Variants in BSDC1 observed in about 807,000 individuals in gnomAD.
The protein encoded by BSDC1 is BSD domain-containing protein 1.
In BSDC1, 29 loss-of-function variants were observed where a neutral mutation model predicts 56.0. The observed-to-expected ratio is 0.52, with a 90% confidence interval of 0.39 to 0.71. BSDC1 has a LOEUF of 0.71. Ranked by LOEUF, BSDC1 falls within the 30% of genes least tolerant of loss-of-function variation. The pLI, the probability that BSDC1 is intolerant of heterozygous loss-of-function variation, is 0.00. For synonymous variants in BSDC1, 210 were observed against 215.3 expected (o/e 0.98, Z 0.21); for missense variants, 477 against 548.5 (o/e 0.87, Z 1.30).
chr1:32,370,628 C>T (rs148984438), intron 9 of BSDC1, among the ~76,000 whole-genome samples: 1 of 151,370 alleles, frequency 6.6e-6, no homozygotes, highest in Non-Finnish European at 1.5e-5. Context: ...GTGGTGAAAC[C>T]CCATCTCTAC....
At chr1:32,374,254 T>A (rs376032196) in intron 9 of BSDC1, among the ~76,000 whole-genome samples, 30 of 152,350 alleles carry the variant, frequency 2.0e-4, no homozygotes, top group South Asian at 8.3e-4. Context: ...TACCTCTATT[T>A]TCATTTCCCC....
intron 9 of BSDC1, among the ~76,000 whole-genome samples, chr1:32,371,725 G>A (rs372442219): frequency 5.3e-5 from 8 of 151,670 alleles, no homozygotes; most frequent in South Asian, 2.1e-4. Context: ...AGATGCCTCC[G>A]CGCTGAGACC....
intron 3 of BSDC1, among the ~76,000 whole-genome samples, chr1:32,384,938 C>T (rs1296436697): frequency 6.6e-6 from 1 of 152,096 alleles, no homozygotes; most frequent in Non-Finnish European, 1.5e-5. Flanking sequence ...AGCAGGGTTA[C>T]AACTTGTCAT....
In BSDC1 at chr1:32,394,087, T is replaced by C; in HGVS notation, c.65A>G (p.Lys22Arg). Reference sequence around the variant, plus strand: ...GGCACGGGCCCGGCTTACCTTCTCTTTGACTGCTTGGTAGCTCTGCTGCAG... The same window carrying C: ...GGCACGGGCCCGGCTTACCTTCTCTCTGACTGCTTGGTAGCTCTGCTGCAG... ...SWLQQSYQAV[K>R]EKSSEALEFM... is the part of the protein sequence containing the mutation. The change falls in exon 2 of 11, where the codon AAA (lysine) becomes AGA (arginine). Residue 22 changes from lysine to arginine, a missense_variant. By Grantham distance (26) the Lys-to-Arg change is conservative. Transcript: ENST00000455895. 1.2e-6 allele frequency: 2 copies of C among 1,609,304 alleles called. No individual in the cohort carries two copies. Among genetic ancestry groups the C allele is most frequent in the Non-Finnish European group, 1.7e-6 (2 of 1,178,174 alleles).
intron 9 of BSDC1, chr1:32,369,417 G>A (rs905277501): frequency 8.0e-6 from 5 of 621,634 alleles, no homozygotes; most frequent in African/African-American, 1.9e-5. Flanking sequence ...GCTGAGGTGT[G>A]GTGATCACTT....
At chr1:32,394,014 T>A in intron 2 of BSDC1, 66 bp downstream of exon 2, 1 of 1,533,604 alleles carries the variant, frequency 6.5e-7, no homozygotes, top group South Asian at 1.2e-5. Flanking sequence ...CGGGGCTGGT[T>A]GGACCAGGTT....
intron 8 of BSDC1, 121 bp from the exon 9 acceptor site, chr1:32,376,862 G>A (rs749248883): frequency 5.2e-6 from 6 of 1,144,764 alleles, no homozygotes; most frequent in South Asian, 8.3e-5. Flanking sequence ...CGGGCATGGT[G>A]GCTCACACCT....
intron 4 of BSDC1, among the ~76,000 whole-genome samples, chr1:32,381,833 T>C (rs957047667): frequency 4.6e-5 from 7 of 152,244 alleles, no homozygotes; most frequent in Non-Finnish European, 8.8e-5. Context: ...GCTCAAAATC[T>C]TATCAAACAT....
At chr1:32,370,617 T>C (rs190843557) in intron 9 of BSDC1, among the ~76,000 whole-genome samples, 1 of 151,592 alleles carries the variant, frequency 6.6e-6, no homozygotes, top group East Asian at 2.0e-4. Flanking sequence ...CCCTGGCTAA[T>C]GTGGTGAAAC....
chr1:32,372,112 G>A (rs1015632266), intron 9 of BSDC1, among the ~76,000 whole-genome samples: 1 of 152,166 alleles, frequency 6.6e-6, no homozygotes, highest in African/African-American at 2.4e-5. Context: ...AATGTAAAGT[G>A]CCTATTACAT....
chr1:32,394,397 A>G lies in BSDC1; in HGVS notation c.11+7T>C. On this transcript the variant is annotated splice_region_variant and intron_variant, in intron 1 of 10. Transcript: ENST00000455895. ...CCCAACGCCTAGGAGCAAAACGACA[A>G]GCTCACCCTTCCGCCATCTTGCCTG... is the stretch of plus-strand genomic sequence containing the variant. The G allele has an allele frequency of 5.0e-6, 8 of 1,614,052 alleles. No homozygotes were observed. The highest frequency in any genetic ancestry group is 1.6e-4 in the Middle Eastern group (1 of 6,062).
chr1:32,369,885 T>C (rs779142043), intron 9 of BSDC1, among the ~76,000 whole-genome samples: 7 of 151,606 alleles, frequency 4.6e-5, no homozygotes, highest in Non-Finnish European at 1.0e-4. Flanking sequence ...CTCCGCCTCC[T>C]GGGTTCAAGA....
chr1:32,393,749 CTT>C, intron 2 of BSDC1: 1 of 347,652 alleles, frequency 2.9e-6, no homozygotes, highest in East Asian at 5.4e-5. Context: ...CTGCTAGAAT[CTT>C]TTCCTTCAAG....
Position 32,383,849 on chromosome 1 carries a change from T to C in BSDC1, c.338A>G (p.Glu113Gly). The change falls in exon 4 of 11, where the codon GAG becomes GGG. Residue 113 changes from glutamate (E) to glycine (G), a missense_variant. Transcript: ENST00000455895. ...TLMGTPSGTA[E>G]PYDGTKARLY... Reference sequence around the variant, plus strand: ...GAATACCTTGGTGCCATCATAGGGCTCAGCTGTGCCAGACGGTGTGCCCAT... The same window carrying C: ...GAATACCTTGGTGCCATCATAGGGCCCAGCTGTGCCAGACGGTGTGCCCAT... 1 of 1,612,254 alleles carries C rather than the reference T, an allele frequency of 6.2e-7. No individual in the cohort carries two copies. Among genetic ancestry groups the C allele is most frequent in the Non-Finnish European group, 8.5e-7 (1 of 1,180,016 alleles).
chr1:32,372,731 T>C (rs1642138291), intron 9 of BSDC1, among the ~76,000 whole-genome samples: 2 of 152,234 alleles, frequency 1.3e-5, no homozygotes, highest in Admixed American at 1.3e-4. Context: ...GGTTTGGTTT[T>C]GAAAATGGAA....
intron 9 of BSDC1, among the ~76,000 whole-genome samples, chr1:32,370,599 C>G (rs951333315): frequency 1.3e-5 from 2 of 151,610 alleles, no homozygotes; most frequent in Admixed American, 6.6e-5. Flanking sequence ...GTCAGAAGAT[C>G]GAGACCACCC....
At chr1:32,381,087 A>T in intron 5 of BSDC1, 127 bp downstream of exon 5, 2 of 817,024 alleles carry the variant, frequency 2.4e-6, no homozygotes, top group Non-Finnish European at 4.1e-6. Context: ...GGTACACACT[A>T]GTCTCACTCT....
intron 9 of BSDC1, chr1:32,369,223 C>T: frequency 7.8e-7 from 1 of 1,283,460 alleles, no homozygotes; most frequent in Non-Finnish European, 1.0e-6. Context: ...CAGCCTTAAA[C>T]TATTACCTCG....
intron 9 of BSDC1, among the ~76,000 whole-genome samples, chr1:32,368,930 C>T (rs1641964846): frequency 6.6e-6 from 1 of 152,206 alleles, no homozygotes; most frequent in African/African-American, 2.4e-5. Context: ...AAACTCCTGA[C>T]CTCAATGATC....
Sources: gnomAD v4.1 joint callset for allele counts (sites outside exome capture counted in the v4.1 genomes callset) on GRCh38, gnomAD v4.1.1 for gene constraint, MANE v1.5 for transcripts, NCBI Gene and HGNC (gene_info 2026-07-23, HGNC 2026-07-21) for gene names.